Variants in GABRG3 observed in about 807,000 individuals in gnomAD.
The protein encoded by GABRG3 is gamma-aminobutyric acid type A receptor subunit gamma3.
In GABRG3, 25 loss-of-function variants were observed where a neutral mutation model predicts 48.8. The ratio of observed to expected loss-of-function variants is 0.51; its 90% CI spans 0.37 to 0.72. GABRG3 has a LOEUF of 0.72. Ranked by LOEUF, GABRG3 falls within the 30% of genes least tolerant of loss-of-function variation. The pLI, the probability that GABRG3 is intolerant of heterozygous loss-of-function variation, is 0.00. For missense variants in GABRG3, 394 were observed against 577.9 expected, an observed-to-expected ratio of 0.68 and a Z score of 3.26; for synonymous variants, 227 against 217.6, an observed-to-expected ratio of 1.04 and a Z score of -0.38.
At chr15:26,989,559 G>A (rs1212925799) in intron 2 of GABRG3, among the ~76,000 whole-genome samples, 5 of 152,162 alleles carry the variant, frequency 3.3e-5, no homozygotes, top group Admixed American at 2.0e-4. Context: ...GTACAAGCAT[G>A]CAATGCATAA....
At position 27,517,825 on chromosome 15, in the gene GABRG3, CT is replaced by C. The variant is rs776817462; in HGVS notation, c.713-2145del. Among the ~76,000 whole-genome samples, 5 of 152,096 alleles carry C rather than the reference CT, an allele frequency of 3.3e-5. No individual in the cohort carries two copies. In the South Asian group the frequency reaches 6.2e-4, roughly 19 times the overall value. On this transcript the variant is annotated intron_variant, in intron 6 of 9. Coordinates refer to ENST00000615808, the MANE Select transcript of GABRG3 (RefSeq NM_033223.5). ...CATTCACATTACATTAAAATATATA[CT>C]TGTGCTCTTTTATTGCTTCAGGCTA...
intron 2 of GABRG3, among the ~76,000 whole-genome samples, chr15:26,990,802 GA>G (rs1418093476): frequency 9.5e-5 from 12 of 126,182 alleles, no homozygotes; most frequent in South Asian, 2.7e-4. Context: ...AATCCATTTT[GA>G]TTTTTTTTTT....
intron 5 of GABRG3, among the ~76,000 whole-genome samples, chr15:27,411,650 A>G (rs1887801957): frequency 2.0e-5 from 3 of 152,118 alleles, no homozygotes; most frequent in Non-Finnish European, 1.5e-5. Context: ...AGGCTTTTAT[A>G]TGAGTCAGTT....
At chr15:27,359,530 T>C (rs1894953432) in intron 5 of GABRG3, among the ~76,000 whole-genome samples, 1 of 152,232 alleles carries the variant, frequency 6.6e-6, no homozygotes, top group African/African-American at 2.4e-5. Flanking sequence ...TACAATTATA[T>C]ATCATCCAGG....
intron 2 of GABRG3, among the ~76,000 whole-genome samples, chr15:26,988,035 A>G (rs1158051113): frequency 6.6e-6 from 1 of 152,240 alleles, no homozygotes; most frequent in African/African-American, 2.4e-5. Flanking sequence ...TCTGAATAAC[A>G]TAAATCCTTT....
At chr15:27,092,716 A>C (rs916745096) in intron 3 of GABRG3, among the ~76,000 whole-genome samples, 1 of 152,148 alleles carries the variant, frequency 6.6e-6, no homozygotes, top group Non-Finnish European at 1.5e-5. Context: ...GTGCAAGTTG[A>C]ATTACAGAGT....
intron 5 of GABRG3, among the ~76,000 whole-genome samples, chr15:27,423,721 CT>C (rs542775399): frequency 0.032 from 2,641 of 81,722 alleles, 6 homozygotes; most frequent in South Asian, 0.057. Flanking sequence ...TTTTCTTTTC[CT>C]TTTTTTTTTT....
intron 5 of GABRG3, among the ~76,000 whole-genome samples, chr15:27,396,696 G>C (rs984993027): frequency 6.6e-6 from 1 of 152,180 alleles, no homozygotes; most frequent in Non-Finnish European, 1.5e-5. Flanking sequence ...AGTGACAGCT[G>C]CTTTATTCAT....
At chr15:27,427,907 T>C (rs1884437946) in intron 5 of GABRG3, among the ~76,000 whole-genome samples, 1 of 152,178 alleles carries the variant, frequency 6.6e-6, no homozygotes, top group Non-Finnish European at 1.5e-5. Flanking sequence ...TTTTGAGACA[T>C]GGACTCGCTT....
intron 3 of GABRG3, among the ~76,000 whole-genome samples, chr15:27,212,878 C>T (rs1346300656): frequency 6.6e-6 from 1 of 152,198 alleles, no homozygotes; most frequent in Non-Finnish European, 1.5e-5. Flanking sequence ...ATCATGTCCT[C>T]AAGGCTCATC....
intron 3 of GABRG3, among the ~76,000 whole-genome samples, chr15:27,225,040 C>T (rs1048606233): frequency 3.9e-5 from 6 of 152,106 alleles, no homozygotes; most frequent in African/African-American, 1.4e-4. Context: ...CATTCTGTTG[C>T]TCTGACAAAG....
In GABRG3 at chr15:27,533,022, A is replaced by C; in HGVS notation, c.*141A>C. 1 of 710,472 alleles carries C rather than the reference A, an allele frequency of 1.4e-6. No individual in the cohort carries two copies. The highest frequency in any genetic ancestry group is 2.3e-6 in the Non-Finnish European group (1 of 435,920). 44.0% of individuals were successfully genotyped at this position (710,472 alleles called of 1,614,324 possible). ...GTTATAAATGACCTTTCAGCAACACAGGAAGTACCCAGCAAAGGTTTCTAT... is the reference window on the plus strand; with the variant it reads ...GTTATAAATGACCTTTCAGCAACACCGGAAGTACCCAGCAAAGGTTTCTAT... On this transcript the variant is annotated 3_prime_UTR_variant, in exon 10 of 10. Coordinates refer to ENST00000615808, the MANE Select transcript of GABRG3 (RefSeq NM_033223.5).
chr15:27,004,040 A>C (rs1233399238), intron 2 of GABRG3, among the ~76,000 whole-genome samples: 11 of 115,290 alleles, frequency 9.5e-5, no homozygotes, highest in African/African-American at 1.4e-4. Flanking sequence ...TGAACCCCCA[A>C]CTCCCTCCCG....
intron 3 of GABRG3, among the ~76,000 whole-genome samples, chr15:27,192,085 C>T (rs189938988): frequency 8.5e-5 from 13 of 152,202 alleles, no homozygotes; most frequent in African/African-American, 2.2e-4. Flanking sequence ...GAGTTTCTGC[C>T]GAGAGATCCG....
At chr15:27,073,799 T>C (rs6606870) in intron 3 of GABRG3, among the ~76,000 whole-genome samples, 31,274 of 152,062 alleles carry the variant, frequency 0.21, 3,326 homozygotes, top group Middle Eastern at 0.26. Flanking sequence ...GTGTCGGCCC[T>C]GGCTGGGTTT....
intron 3 of GABRG3, among the ~76,000 whole-genome samples, chr15:27,209,756 G>T (rs942131307): frequency 6.6e-6 from 1 of 152,226 alleles, no homozygotes; most frequent in African/African-American, 2.4e-5. Flanking sequence ...GCCACAGACT[G>T]GGGGCTCAAA....
rs560826877 is a variant in GABRG3, at chr15:27,499,217, T to C, written c.712+18430T>C. Among the ~76,000 whole-genome samples, 9 of 152,324 alleles carry C rather than the reference T, an allele frequency of 5.9e-5. No individual in the cohort carries two copies. In the South Asian group the frequency reaches 1.0e-3, roughly 18 times the overall value. On this transcript the variant is annotated intron_variant, in intron 6 of 9. Coordinates refer to ENST00000615808, the MANE Select transcript of GABRG3 (RefSeq NM_033223.5). Reference sequence around the variant, plus strand: ...AAGATATAAGACTAATTCTAGGATATTGAAAACTCAGATCAATGAAGTGGT... The same window carrying C: ...AAGATATAAGACTAATTCTAGGATACTGAAAACTCAGATCAATGAAGTGGT...
chr15:27,023,182 C>A (rs1895927385), intron 2 of GABRG3, among the ~76,000 whole-genome samples: 10 of 152,142 alleles, frequency 6.6e-5, no homozygotes, highest in Admixed American at 6.5e-4. Context: ...ATTCCTATTT[C>A]TTTTAAAAAA....
chr15:27,308,721 CAT>C lies in GABRG3; in HGVS notation c.271-18086_271-18085del, dbSNP rs111270181. On this transcript the variant is annotated intron_variant, in intron 3 of 9. Transcript: ENST00000615808. ...ATGTAAACATACGTTTATATGTAAA[CAT>C]AATGTAAACATACGTTTATATGTAA... 4.0e-5 allele frequency among the ~76,000 whole-genome samples: 6 copies of C among 148,970 alleles called. 1 individual carries two copies. The highest frequency in any genetic ancestry group is 7.3e-5 in the African/African-American group (3 of 41,090).
Sources: allele counts gnomAD v4.1 joint callset (sites outside exome capture counted in the v4.1 genomes callset), GRCh38; gene constraint gnomAD v4.1.1; transcripts MANE v1.5; gene names NCBI Gene and HGNC (gene_info 2026-07-23, HGNC 2026-07-21).